Variants in STOX2 observed in about 807,000 individuals in gnomAD.
STOX2 encodes the protein storkhead-box protein 2.
A neutral mutation model predicts 60.9 loss-of-function variants in STOX2; 28 were observed. The observed-to-expected ratio is 0.46, with a 90% CI of 0.34 to 0.63. STOX2 has a LOEUF of 0.63. STOX2 is among the 30% of genes least tolerant of loss of function. STOX2 has a pLI of 0.01. For missense variants in STOX2, 1,024 were observed against 1,187.7 expected (o/e 0.86, Z 2.03); for synonymous variants, 472 against 463.9 (o/e 1.02, Z -0.22).
At chr4:183,802,124 A>G (rs1047774840) in intron 1 of STOX2, among the ~76,000 whole-genome samples, 1 of 152,194 alleles carries the variant, frequency 6.6e-6, no homozygotes, top group Non-Finnish European at 1.5e-5. Context: ...GACCTCAGGG[A>G]GCACAGGTGC....
rs1212196885 is a variant in STOX2 at position 184,019,096 on chromosome 4, A to G, written c.*1812A>G. 1.3e-5 allele frequency: 2 copies of G among 152,230 alleles called. No homozygotes were observed. The highest frequency in any genetic ancestry group is 4.8e-5 in the African/African-American group (2 of 41,468). 9.4% of individuals were successfully genotyped at this position (152,230 alleles called of 1,614,324 possible). ...TCTTGAAACCTTTAAATGCTCCCTCATAGTTTTTCAGTTATTTGGAAGTTG... is the reference window on the plus strand; with the variant it reads ...TCTTGAAACCTTTAAATGCTCCCTCGTAGTTTTTCAGTTATTTGGAAGTTG... On this transcript the variant is annotated 3_prime_UTR_variant, in exon 4 of 4. Transcript: ENST00000308497.
chr4:183,946,549 C>T (rs757618420), intron 1 of STOX2, among the ~76,000 whole-genome samples: 2 of 151,908 alleles, frequency 1.3e-5, no homozygotes, highest in African/African-American at 2.4e-5. Context: ...GAAAAAAAGG[C>T]GTTCGTGCTG....
rs113224545 is a variant in STOX2 at position 184,010,882 on chromosome 4, C to T, written c.2044C>T (p.Gln682Ter). 1 of 1,612,116 alleles carries T rather than the reference C, an allele frequency of 6.2e-7. No homozygotes were observed. The highest frequency in any genetic ancestry group is 8.5e-7 in the Non-Finnish European group (1 of 1,179,034). Residue 682 changes from glutamine to a stop codon, truncating the protein, a stop_gained, in exon 3 of 4, where the codon CAG becomes TAG. Transcript: ENST00000308497. LOFTEE classifies it high-confidence loss of function. The surrounding 1 kb of genome is among the most constrained non-coding windows in gnomAD (Gnocchi z 4.5). The stretch of plus-strand genomic sequence containing the variant: ...AGGGATCGCCAACGGACGCCTCGTC[C>T]AGCACCATGGTGCCGAGCCCAGCAG... ...AEGIANGRLV[Q>*]HHGAEPSSLD...
At chr4:183,829,634 T>C (rs772216836) in intron 1 of STOX2, among the ~76,000 whole-genome samples, 3 of 152,194 alleles carry the variant, frequency 2.0e-5, no homozygotes, top group Non-Finnish European at 4.4e-5. Flanking sequence ...TTGGTCACAT[T>C]GTCTTAGCCA....
At position 183,867,352 on chromosome 4, in the gene STOX2, A is replaced by G. The variant is rs537912821; in HGVS notation, c.364+69297A>G. ...TAAACAGAGATTTCAAAAATATGAC[A>G]TGGAAGAGAGGGTGAAAGGCTGGCA... On this transcript the variant is annotated intron_variant, in intron 1 of 2. Transcript: ENST00000513034. Among the ~76,000 whole-genome samples, 17 of 152,356 alleles carry G rather than the reference A, an allele frequency of 1.1e-4. No homozygotes were observed. In the South Asian group the frequency reaches 3.5e-3, roughly 32 times the overall value.
At chr4:183,845,430 G>A (rs1425265321) in intron 1 of STOX2, among the ~76,000 whole-genome samples, 1 of 152,184 alleles carries the variant, frequency 6.6e-6, no homozygotes, top group African/African-American at 2.4e-5. Flanking sequence ...TATTAGAGAT[G>A]AGGACAAAAA....
At chr4:183,842,359 C>T (rs955308023) in intron 1 of STOX2, among the ~76,000 whole-genome samples, 3 of 152,186 alleles carry the variant, frequency 2.0e-5, no homozygotes, top group African/African-American at 7.2e-5. Context: ...AACTTCAAGC[C>T]TCACAGTCAG....
upstream of STOX2, among the ~76,000 whole-genome samples, chr4:183,903,896 C>T (rs767820421): frequency 8.5e-5 from 13 of 152,174 alleles, no homozygotes; most frequent in Non-Finnish European, 1.8e-4. Flanking sequence ...GAGTGCATTA[C>T]ATTTACTGTG....
At chr4:184,016,760 A>G (rs530848328) in intron 3 of STOX2, among the ~76,000 whole-genome samples, 2 of 152,340 alleles carry the variant, frequency 1.3e-5, no homozygotes, top group East Asian at 3.9e-4. Context: ...TATCTGTTTT[A>G]AAAACCACTG....
chr4:184,008,013 G>T (rs1334871847), intron 2 of STOX2, among the ~76,000 whole-genome samples: 2 of 152,208 alleles, frequency 1.3e-5, no homozygotes, highest in Non-Finnish European at 2.9e-5. Flanking sequence ...ACAGGGCAGG[G>T]TTTCAATCCA....
At chr4:183,950,874 A>G (rs1743049181) in intron 1 of STOX2, among the ~76,000 whole-genome samples, 1 of 152,156 alleles carries the variant, frequency 6.6e-6, no homozygotes, top group South Asian at 2.1e-4. Flanking sequence ...GGGTCAGAGC[A>G]GAAAGCCCCC....
chr4:183,993,282 T>G (rs1200090632), intron 1 of STOX2, among the ~76,000 whole-genome samples: 3 of 152,250 alleles, frequency 2.0e-5, no homozygotes, highest in Non-Finnish European at 4.4e-5. Context: ...GATCATGAGC[T>G]TCTTCTGTAG....
At chr4:183,853,176 G>T (rs143403177) in intron 1 of STOX2, among the ~76,000 whole-genome samples, 1 of 152,254 alleles carries the variant, frequency 6.6e-6, no homozygotes, top group East Asian at 1.9e-4. Context: ...TTGAAGGACT[G>T]TTCTCTTCTA....
chr4:183,826,975 A>G (rs1476788705), intron 1 of STOX2, among the ~76,000 whole-genome samples: 1 of 152,232 alleles, frequency 6.6e-6, no homozygotes, highest in Non-Finnish European at 1.5e-5. Flanking sequence ...GGCATTACAT[A>G]TAACATGACC....
intron 1 of STOX2, among the ~76,000 whole-genome samples, chr4:183,813,824 C>A (rs1350811500): frequency 6.6e-6 from 1 of 152,134 alleles, no homozygotes; most frequent in Non-Finnish European, 1.5e-5. Context: ...ACACTCAGTA[C>A]TGACAAGGGT....
rs565854812 is a variant in STOX2 at position 183,893,246 on chromosome 4, C to A, written c.364+95191C>A. Among the ~76,000 whole-genome samples, 55 of 152,282 alleles carry A rather than the reference C, an allele frequency of 3.6e-4. No homozygotes were observed. In the South Asian group the frequency reaches 9.8e-3, roughly 27 times the overall value. ...TCGTATCTACTGAGACGCCACAGCC[C>A]CAGGTAAGCGGCAGTTCCCTGGCGG... On this transcript the variant is annotated intron_variant, in intron 1 of 2. Transcript: ENST00000513034.
chr4:183,846,683 A>G (rs1290547050), intron 1 of STOX2, among the ~76,000 whole-genome samples: 1 of 151,888 alleles, frequency 6.6e-6, no homozygotes, highest in African/African-American at 2.4e-5. Context: ...TTGCTTGTAT[A>G]TTTTTTTCTT....
intron 1 of STOX2, among the ~76,000 whole-genome samples, chr4:183,893,864 A>G (rs1015377092): frequency 2.0e-5 from 3 of 152,218 alleles, no homozygotes; most frequent in Non-Finnish European, 4.4e-5. Flanking sequence ...GTTCTAGTGT[A>G]ATTAGTAGCA....
At chr4:183,976,615 C>G (rs1320650073) in intron 1 of STOX2, among the ~76,000 whole-genome samples, 1 of 152,154 alleles carries the variant, frequency 6.6e-6, no homozygotes, top group African/African-American at 2.4e-5. Flanking sequence ...ACTATGCTCA[C>G]TACCTGGATG....
Sources: gnomAD v4.1 joint callset for allele counts (sites outside exome capture counted in the v4.1 genomes callset) on GRCh38, gnomAD v4.1.1 for gene constraint, Gnocchi (gnomAD v3.1) non-coding constraint, MANE v1.5 for transcripts, NCBI Gene and HGNC (gene_info 2026-07-23, HGNC 2026-07-21) for gene names.